Variants in CASKIN2 observed in about 807,000 individuals in gnomAD.
CASKIN2 encodes caskin-2.
In CASKIN2, 41 loss-of-function variants were observed where a neutral mutation model predicts 107.1. The observed-to-expected ratio is 0.38, with a 90% CI of 0.30 to 0.50. The LOEUF is 0.50. Among genes scored for constraint, CASKIN2 ranks in the 20% least tolerant of loss-of-function variants. CASKIN2 has a pLI of 0.92. For synonymous variants in CASKIN2, 724 were observed against 705.6 expected (o/e 1.03, Z -0.41); for missense variants, 1,546 against 1,657.4 (o/e 0.93, Z 1.17).
Position 75,503,795 on chromosome 17 carries a change from C to G in CASKIN2, c.1579-35G>C, listed in dbSNP as rs759083059. 3.7e-6 allele frequency: 6 copies of G among 1,610,730 alleles called. No homozygotes were observed. In the South Asian group the frequency reaches 5.5e-5, roughly 15 times the overall value. ...AAAGTCTGGCCATCAGGCCCCTCCC[C>G]CGCCTGCTGGGCCCTCCCCCGCCCG... is the stretch of plus-strand genomic sequence containing the variant. On this transcript the variant is annotated intron_variant, in intron 15 of 19. Transcript: ENST00000321617.
chr17:75,503,490 G>A lies in CASKIN2; in HGVS notation c.1718C>T (p.Pro573Leu), dbSNP rs1296442882. ...LLEWLCALGL[P>L]QYHKQLVSSG... ...GCTCACCAGCTGCTTGTGGTACTGT[G>A]GCAGCCCCAGTGCACACAGCCACTC... The change falls in exon 17 of 20, where the codon CCA (proline) becomes CTA (leucine). Residue 573 changes from proline to leucine, a missense_variant. Coordinates refer to ENST00000321617, the MANE Select transcript of CASKIN2 (RefSeq NM_020753.5). The A allele has an allele frequency of 3.7e-6, 6 of 1,612,098 alleles. No individual in the cohort carries two copies. The Middle Eastern group carries it at 5.0e-4, about 133-fold the overall frequency.
rs867461672 is a variant in CASKIN2, at chr17:75,502,450, C to T, written c.2624G>A (p.Arg875His). The part of the protein sequence containing the change: ...RKGPPPPPPK[R>H]LSSVSGPSPE... ...GCTGGGGCCAGAGACGGAGCTGAGG[C>T]GCTTGGGGGGCGGGGGCGGGGGGCC... The change falls in exon 18 of 20, where the codon CGC becomes CAC. Residue 875 changes from arginine (R) to histidine (H), a missense_variant. Physicochemically the swap from Arg to His is conservative, Grantham distance 29. Coordinates refer to ENST00000321617, the MANE Select transcript of CASKIN2 (RefSeq NM_020753.5). This position sits in a 1 kb window ranked among gnomAD's most constrained non-coding sequence, Gnocchi z 4.3. The T allele has an allele frequency of 2.7e-5, 36 of 1,346,400 alleles. 1 individual carries two copies. The highest frequency in any genetic ancestry group is 1.0e-4 in the Admixed American group (3 of 29,742). 83.4% of individuals were successfully genotyped at this position (1,346,400 alleles called of 1,614,324 possible). A position where few individuals can be genotyped will look rare whatever the true frequency, so the allele number is the denominator to read the frequency against.
rs1467315232 is a variant in CASKIN2, at chr17:75,503,448, A to G, written c.1760T>C (p.Met587Thr). Residue 587 changes from methionine (M) to threonine (T), a missense_variant, in exon 17 of 20, where the codon ATG (methionine) becomes ACG (threonine). Met to Thr is a moderately conservative substitution (Grantham distance 81, BLOSUM62 -1). Around this residue, in one of 6 missense-constraint regions of CASKIN2, gnomAD observed 1,311 missense variants for 1,311.0 expected, o/e 1.00. Transcript: ENST00000321617. The part of the protein sequence containing the change: ...KQLVSSGYDS[M>T]GLVADLTWEE... ...CCAGGTGAGGTCGGCCACCAGCCCCATGGAGTCGTAGCCGCTGCTCACCAG... is the reference window on the plus strand; with the variant it reads ...CCAGGTGAGGTCGGCCACCAGCCCCGTGGAGTCGTAGCCGCTGCTCACCAG... The G allele has an allele frequency of 3.1e-6, 5 of 1,612,930 alleles. No homozygotes were observed. Among genetic ancestry groups the G allele is most frequent in the Non-Finnish European group, 4.2e-6 (5 of 1,179,960 alleles).
chr17:75,500,341 T>G lies in CASKIN2; in HGVS notation c.*739A>C, dbSNP rs1247265798. On this transcript the variant is annotated 3_prime_UTR_variant, in exon 20 of 20. Coordinates refer to ENST00000321617, the MANE Select transcript of CASKIN2 (RefSeq NM_020753.5). ...AGAGCCAGGGCCTGGGCCAATGGGGTCAGGCTCTCCCTGCCCTCAGGTGGG... is the reference window on the plus strand; with the variant it reads ...AGAGCCAGGGCCTGGGCCAATGGGGGCAGGCTCTCCCTGCCCTCAGGTGGG... 1 of 151,842 alleles carries G rather than the reference T, an allele frequency of 6.6e-6. No homozygotes were observed. The highest frequency in any genetic ancestry group is 1.5e-5 in the Non-Finnish European group (1 of 68,068). 9.4% of individuals were successfully genotyped at this position (151,842 alleles called of 1,614,324 possible). A position where few individuals can be genotyped will look rare whatever the true frequency, so the allele number is the denominator to read the frequency against.
At chr17:75,501,343 C>T (rs1489712621) in intron 19 of CASKIN2, 125 bp downstream of exon 19, 1 of 1,257,682 alleles carries the variant, frequency 8.0e-7, no homozygotes, top group Non-Finnish European at 1.1e-6. Context: ...ATTTCAACAC[C>T]TGGCCTCTTA....
In CASKIN2 at chr17:75,501,566, G is replaced by A. The variant is rs943046602; in HGVS notation, c.3420C>T (p.Gly1140=). 4 of 1,611,596 alleles carry A rather than the reference G, an allele frequency of 2.5e-6. No individual in the cohort carries two copies. The highest frequency in any genetic ancestry group is 2.7e-5 in the African/African-American group (2 of 75,034). Residue 1140 remains glycine, a synonymous_variant, in exon 19 of 20, where the codon GGC becomes GGT. Transcript: ENST00000321617. ...PPRPESTGTV[G]PGQAQQRLEQ... Reference sequence around the variant, plus strand: ...CCAGTCTCTGCTGGGCCTGGCCTGGGCCCACAGTCCCAGTGCTCTCAGGCC... The same window carrying A: ...CCAGTCTCTGCTGGGCCTGGCCTGGACCCACAGTCCCAGTGCTCTCAGGCC...
rs771628486 is a variant in CASKIN2, at chr17:75,503,840, T to C, written c.1578+12A>G. On this transcript the variant is annotated intron_variant, in intron 15 of 19. Transcript: ENST00000321617. ...CGCCCGCTGGGTGCTGCTTCCCGGC[T>C]GCAGCACCCACCTCAGGTGTCATGC... The C allele has an allele frequency of 1.2e-6, 2 of 1,611,246 alleles. No individual in the cohort carries two copies. Among genetic ancestry groups the C allele is most frequent in the South Asian group, 2.2e-5 (2 of 91,018 alleles).
chr17:75,513,621 T>C, intron 2 of CASKIN2, 90 bp downstream of exon 2: 1 of 1,048,928 alleles, frequency 9.5e-7, no homozygotes, highest in Non-Finnish European at 1.5e-6. Flanking sequence ...TCCTCAAATA[T>C]GCAGATCACA....
In CASKIN2 at chr17:75,503,473, G is replaced by A. The variant is rs762117998; in HGVS notation, c.1735C>T (p.Leu579=). 1.2e-6 allele frequency: 2 copies of A among 1,612,490 alleles called. No homozygotes were observed. The highest frequency in any genetic ancestry group is 1.7e-5 in the Admixed American group (1 of 59,994). The change falls in exon 17 of 20, where the codon CTG becomes TTG. Residue 579 remains leucine (L), a synonymous_variant. Coordinates refer to ENST00000321617, the MANE Select transcript of CASKIN2 (RefSeq NM_020753.5). ...ALGLPQYHKQ[L]VSSGYDSMGL... The stretch of plus-strand genomic sequence containing the variant: ...ATGGAGTCGTAGCCGCTGCTCACCA[G>A]CTGCTTGTGGTACTGTGGCAGCCCC...
At position 75,503,844 on chromosome 17, in the gene CASKIN2, G is replaced by A; in HGVS notation, c.1578+8C>T. On this transcript the variant is annotated splice_region_variant and intron_variant, in intron 15 of 19. Transcript: ENST00000321617. ...CGCTGGGTGCTGCTTCCCGGCTGCA[G>A]CACCCACCTCAGGTGTCATGCGGCT... 6.2e-7 allele frequency: 1 copy of A among 1,612,298 alleles called. No individual in the cohort carries two copies. The highest frequency in any genetic ancestry group is 1.1e-5 in the South Asian group (1 of 91,052).
At position 75,504,257 on chromosome 17, in the gene CASKIN2, G is replaced by T. The variant is rs764348138; in HGVS notation, c.1425C>A (p.Ile475=). 25 of 1,604,764 alleles carry T rather than the reference G, an allele frequency of 1.6e-5. No homozygotes were observed. The highest frequency in any genetic ancestry group is 1.8e-5 in the Non-Finnish European group (21 of 1,176,428). ...GTTCTGGCCGCACGTCCTGGGTGAA[G>T]ATCTGCTCCCCAGAGCGGCAGTTGG... The part of the protein sequence containing the change: ...PLANCRSGEQ[I]FTQDVRPEQL... The change falls in exon 14 of 20, where the codon ATC becomes ATA. Residue 475 remains isoleucine, a synonymous_variant. Coordinates refer to ENST00000321617, the MANE Select transcript of CASKIN2 (RefSeq NM_020753.5).
intron 14 of CASKIN2, 105 bp from the exon 15 acceptor site, chr17:75,504,067 G>A (rs2053235052): frequency 7.4e-6 from 9 of 1,211,812 alleles, no homozygotes; most frequent in Middle Eastern, 2.7e-4. Context: ...TCCATACAGA[G>A]GCTCTTGCCT....
rs142407205 is a variant in CASKIN2, at chr17:75,505,712, C to T, written c.836-61G>A. ...GGGTCCTTAGGGCATCTTCCCACCC[C>T]TCATGCCCTTGACAACCCTCCCCCA... On this transcript the variant is annotated intron_variant, in intron 9 of 19. Transcript: ENST00000321617. This position sits in a 1 kb window ranked among gnomAD's most constrained non-coding sequence, Gnocchi z 5.1. 28,934 of 1,562,516 alleles carry T rather than the reference C, an allele frequency of 0.019. 314 individuals carry two copies. Among genetic ancestry groups the T allele is most frequent in the Non-Finnish European group, 0.022 (25,271 of 1,138,334 alleles).
rs2053319721 is a variant in CASKIN2, at chr17:75,512,005, C to T, written c.94+1706G>A. On this transcript the variant is annotated intron_variant, in intron 2 of 19. Coordinates refer to ENST00000321617, the MANE Select transcript of CASKIN2 (RefSeq NM_020753.5). ...CCTTAGGGCCCTCCCCTGGGACCTC[C>T]TTAGCACCTCCCCAGTGGCACCCAC... 2.0e-5 allele frequency among the ~76,000 whole-genome samples: 3 copies of T among 152,196 alleles called. 1 individual carries two copies. The South Asian group carries it at 6.2e-4, about 31-fold the overall frequency.
Position 75,505,636 on chromosome 17 carries a change from A to G in CASKIN2, c.851T>C (p.Leu284Pro). 7 of 1,613,118 alleles carry G rather than the reference A, an allele frequency of 4.3e-6. No individual in the cohort carries two copies. The highest frequency in any genetic ancestry group is 5.9e-6 in the Non-Finnish European group (7 of 1,179,900). Residue 284 changes from leucine (L) to proline (P), a missense_variant, in exon 10 of 20, where the codon CTG (leucine) becomes CCG (proline). Physicochemically the swap from Leu to Pro is moderately conservative, Grantham distance 98. This residue lies in a region of CASKIN2 where 1,311 missense variants were observed against 1,311.0 expected (regional missense o/e 1.00). Transcript: ENST00000321617. This position sits in a 1 kb window ranked among gnomAD's most constrained non-coding sequence, Gnocchi z 5.1. ...KQLLREASGILKVRALKDFWN... is the reference protein window; with the variant it reads ...KQLLREASGIPKVRALKDFWN... ...GAAATCCTTGAGCGCTCGGACCTTC[A>G]GGATCCCTGAGGCCTCTAAGAAAAC...
At chr17:75,513,101 G>A (rs2053328339) in intron 2 of CASKIN2, among the ~76,000 whole-genome samples, 1 of 152,080 alleles carries the variant, frequency 6.6e-6, no homozygotes, top group Non-Finnish European at 1.5e-5. Flanking sequence ...CACGAAGACA[G>A]GAATTTGGGT....
At position 75,503,968 on chromosome 17, in the gene CASKIN2, G is replaced by T; in HGVS notation, c.1468-6C>A. ...TTATGAATGGCCTGCGCGTCCTGCGGGGTGGGGGAAGGGGGCAGAATTAGC... is the reference window on the plus strand; with the variant it reads ...TTATGAATGGCCTGCGCGTCCTGCGTGGTGGGGGAAGGGGGCAGAATTAGC... On this transcript the variant is annotated splice_polypyrimidine_tract_variant and splice_region_variant and intron_variant, in intron 14 of 19. Transcript: ENST00000321617. 2 of 1,607,278 alleles carry T rather than the reference G, an allele frequency of 1.2e-6. No homozygotes were observed. Among genetic ancestry groups the T allele is most frequent in the East Asian group, 4.5e-5 (2 of 44,732 alleles).
At position 75,505,160 on chromosome 17, in the gene CASKIN2, C is replaced by T; in HGVS notation, c.931-87G>A. 1 of 1,439,906 alleles carries T rather than the reference C, an allele frequency of 6.9e-7. No individual in the cohort carries two copies. Among genetic ancestry groups the T allele is most frequent in the Non-Finnish European group, 9.6e-7 (1 of 1,044,146 alleles). The allele number at this position is 1,439,906 out of a possible 1,614,324, so 89.2% of individuals were successfully genotyped here. A position where few individuals can be genotyped will look rare whatever the true frequency, so the allele number is the denominator to read the frequency against. On this transcript the variant is annotated intron_variant, in intron 10 of 19. Transcript: ENST00000321617. This position sits in a 1 kb window ranked among gnomAD's most constrained non-coding sequence, Gnocchi z 5.1. ...TGTCCCTGCAGCTGCGGTCCGGCAA[C>T]CCTGGTCCAGCTCTTTCCCTACCCC... is the stretch of plus-strand genomic sequence containing the variant.
At position 75,502,399 on chromosome 17, in the gene CASKIN2, C is replaced by T. The variant is rs776281607; in HGVS notation, c.2675G>A (p.Ser892Asn). 3.4e-6 allele frequency: 5 copies of T among 1,480,358 alleles called. No individual in the cohort carries two copies. Among genetic ancestry groups the T allele is most frequent in the Non-Finnish European group, 3.6e-6 (4 of 1,117,108 alleles). 91.7% of individuals were successfully genotyped at this position (1,480,358 alleles called of 1,614,324 possible). Residue 892 changes from serine to asparagine, a missense_variant, in exon 18 of 20, where the codon AGC becomes AAC. Around this residue, in one of 6 missense-constraint regions of CASKIN2, gnomAD observed 1,311 missense variants for 1,311.0 expected, o/e 1.00. Coordinates refer to ENST00000321617, the MANE Select transcript of CASKIN2 (RefSeq NM_020753.5). This position sits in a 1 kb window ranked among gnomAD's most constrained non-coding sequence, Gnocchi z 4.3. The part of the protein sequence containing the change: ...PSPEPPPLDE[S>N]PGPKEGATGP... ...TGTGGCCCCTTCCTTGGGCCCTGGG[C>T]TCTCATCTAGTGGAGGTGGCTCCGG...
Sources: allele counts gnomAD v4.1 joint callset (sites outside exome capture counted in the v4.1 genomes callset), GRCh38; gene constraint gnomAD v4.1.1; regional missense constraint gnomAD v4.1.1; non-coding constraint Gnocchi (gnomAD v3.1); transcripts MANE v1.5; gene names NCBI Gene and HGNC (gene_info 2026-07-23, HGNC 2026-07-21).